Variants in UNC5A observed in about 807,000 individuals in gnomAD.
The protein encoded by UNC5A is netrin receptor UNC5A.
Under a neutral mutation model 87.4 loss-of-function variants are expected in UNC5A, and 20 were observed. That is an observed-to-expected ratio of 0.23 (90% CI 0.16 to 0.33). The LOEUF (loss-of-function observed/expected upper bound fraction) is 0.33. Among genes scored for constraint, UNC5A ranks in the 10% least tolerant of loss-of-function variants. The pLI is 1.00. For synonymous variants in UNC5A, 438 were observed against 482.3 expected, an observed-to-expected ratio of 0.91 and a Z score of 1.20; for missense variants, 844 against 1,133.4, an observed-to-expected ratio of 0.74 and a Z score of 3.67.
intron 1 of UNC5A, among the ~76,000 whole-genome samples, chr5:176,854,619 T>C (rs1338978309): frequency 6.6e-6 from 1 of 152,074 alleles, no homozygotes; most frequent in African/African-American, 2.4e-5. Context: ...GGTTCATTGG[T>C]TGATTGGAAG....
chr5:176,815,810 C>A (rs1463598591), intron 1 of UNC5A, among the ~76,000 whole-genome samples: 1 of 152,208 alleles, frequency 6.6e-6, no homozygotes, highest in Admixed American at 6.5e-5. Context: ...AAGCATCCCC[C>A]CTCCCCCGCC....
chr5:176,843,745 GC>G (rs1179746523), intron 1 of UNC5A, among the ~76,000 whole-genome samples: 2 of 152,236 alleles, frequency 1.3e-5, no homozygotes, highest in African/African-American at 2.4e-5. Context: ...GCGCCCTGGA[GC>G]CCCCCTGCTC....
rs1758045386 is a variant in UNC5A at position 176,869,053 on chromosome 5, G to T, written c.721+89G>T. The T allele has an allele frequency of 2.1e-6, 3 of 1,418,158 alleles. No homozygotes were observed. The highest frequency in any genetic ancestry group is 2.7e-5 in the South Asian group (2 of 73,338). 87.8% of individuals were successfully genotyped at this position (1,418,158 alleles called of 1,614,324 possible). ...GGCTGGTGGGGTGAAGAGAGGCCAT[G>T]AGGCCAAAGCCAGGTGGACCAGATC... On this transcript the variant is annotated intron_variant, in intron 5 of 14. Transcript: ENST00000329542. This position sits in a 1 kb window ranked among gnomAD's most constrained non-coding sequence, Gnocchi z 9.1.
At chr5:176,811,037 T>C (rs1756439470) in intron 1 of UNC5A, among the ~76,000 whole-genome samples, 1 of 151,714 alleles carries the variant, frequency 6.6e-6, no homozygotes, top group Non-Finnish European at 1.5e-5. Flanking sequence ...CAGGAGCAGC[T>C]GTCAGCCCGC....
chr5:176,850,430 G>A (rs868749352), intron 1 of UNC5A, among the ~76,000 whole-genome samples: 11 of 152,214 alleles, frequency 7.2e-5, no homozygotes, highest in African/African-American at 2.4e-4. Context: ...TGGTGGGGCC[G>A]GGGGTGGAGG....
Position 176,818,768 on chromosome 5 carries a change from T to G in UNC5A, c.70+7948T>G, listed in dbSNP as rs548719570. ...AATGTCCAGAGACCCTGATTCTCTGTGTGGCCTCAAGTGAACTCCCTCACA... is the reference window on the plus strand; with the variant it reads ...AATGTCCAGAGACCCTGATTCTCTGGGTGGCCTCAAGTGAACTCCCTCACA... On this transcript the variant is annotated intron_variant, in intron 1 of 14. Transcript: ENST00000329542. 2.6e-5 allele frequency among the ~76,000 whole-genome samples: 4 copies of G among 152,312 alleles called. No homozygotes were observed. The South Asian group carries it at 8.3e-4, about 32-fold the overall frequency.
intron 1 of UNC5A, among the ~76,000 whole-genome samples, chr5:176,837,814 C>G (rs1757182183): frequency 6.6e-6 from 1 of 152,034 alleles, no homozygotes; most frequent in South Asian, 2.1e-4. Context: ...AGATAGCGGT[C>G]CTGGACGTGG....
Position 176,875,140 on chromosome 5 carries a change from G to A in UNC5A, c.1378+574G>A, listed in dbSNP as rs1253994409. On this transcript the variant is annotated intron_variant, in intron 8 of 14. Transcript: ENST00000329542. The surrounding 1 kb of genome is among the most constrained non-coding windows in gnomAD (Gnocchi z 5.2). Reference sequence around the variant, plus strand: ...CCAGCTGCCTGTTCCATAAATGTAGGTGTGCCTCCGAGCTCCCTCCCAGTG... The same window carrying A: ...CCAGCTGCCTGTTCCATAAATGTAGATGTGCCTCCGAGCTCCCTCCCAGTG... Among the ~76,000 whole-genome samples, 1 of 152,122 alleles carries A rather than the reference G, an allele frequency of 6.6e-6. No individual in the cohort carries two copies. Among genetic ancestry groups the A allele is most frequent in the Non-Finnish European group, 1.5e-5 (1 of 68,014 alleles).
At chr5:176,879,596 A>G (rs1274808733) in intron 14 of UNC5A, 108 bp downstream of exon 14, 2 of 1,543,780 alleles carry the variant, frequency 1.3e-6, no homozygotes, top group African/African-American at 2.7e-5. Flanking sequence ...TGCCGCATCT[A>G]CTAGTGGCCG....
At chr5:176,853,537 T>A (rs1209250535) in intron 1 of UNC5A, among the ~76,000 whole-genome samples, 1 of 152,188 alleles carries the variant, frequency 6.6e-6, no homozygotes, top group African/African-American at 2.4e-5. Context: ...TCCTCCGATC[T>A]CGGGGAGGTG....
intron 3 of UNC5A, 100 bp from the exon 4 acceptor site, chr5:176,868,461 C>G: frequency 6.9e-7 from 1 of 1,449,430 alleles, no homozygotes; most frequent in Non-Finnish European, 9.4e-7. Flanking sequence ...GGCACTTCCT[C>G]TGCCATGTGC....
rs1758231608 is a variant in UNC5A, at chr5:176,875,194, C to T, written c.1378+628C>T. Among the ~76,000 whole-genome samples the T allele has an allele frequency of 6.6e-6, 1 of 152,206 alleles. No homozygotes were observed. The highest frequency in any genetic ancestry group is 1.5e-5 in the Non-Finnish European group (1 of 68,038). On this transcript the variant is annotated intron_variant, in intron 8 of 14. Transcript: ENST00000329542. This position sits in a 1 kb window ranked among gnomAD's most constrained non-coding sequence, Gnocchi z 5.2. Reference sequence around the variant, plus strand: ...TTCTCCCCGAGCGGCCTCGCCCACTCCATGGCTTTAATCGCCGTGTCTGTG... The same window carrying T: ...TTCTCCCCGAGCGGCCTCGCCCACTTCATGGCTTTAATCGCCGTGTCTGTG...
At chr5:176,878,987 AG>A (rs1297881057) in intron 13 of UNC5A, among the ~76,000 whole-genome samples, 1 of 152,114 alleles carries the variant, frequency 6.6e-6, no homozygotes, top group Non-Finnish European at 1.5e-5. Context: ...AGAGCTGGGC[AG>A]GGGGGACTCA....
chr5:176,819,168 G>A (rs1269114959), intron 1 of UNC5A, among the ~76,000 whole-genome samples: 4 of 152,100 alleles, frequency 2.6e-5, no homozygotes, highest in Admixed American at 2.6e-4. Flanking sequence ...CCTCTCAGCT[G>A]CTCCTCATGA....
intron 11 of UNC5A, 30 bp downstream of exon 11, chr5:176,878,157 G>A (rs1385239937): frequency 1.9e-6 from 3 of 1,604,276 alleles, no homozygotes; most frequent in Non-Finnish European, 2.5e-6. Flanking sequence ...CCCCGCCGCT[G>A]GGAGGCCGAG....
intron 1 of UNC5A, among the ~76,000 whole-genome samples, chr5:176,827,314 C>T (rs1422832883): frequency 6.6e-6 from 1 of 151,550 alleles, no homozygotes; most frequent in Non-Finnish European, 1.5e-5. Flanking sequence ...TCCCGAGTAG[C>T]TGGGATTACA....
intron 1 of UNC5A, among the ~76,000 whole-genome samples, chr5:176,820,354 A>G (rs143569030): frequency 0.02 from 3,068 of 152,034 alleles, 93 homozygotes; most frequent in African/African-American, 0.07. Context: ...CCAAGATTGC[A>G]CCACTGTACT....
rs1465727620 is a variant in UNC5A at position 176,848,721 on chromosome 5, G to A, written c.71-13903G>A. On this transcript the variant is annotated intron_variant, in intron 1 of 14. Transcript: ENST00000329542. The surrounding 1 kb of genome is among the most constrained non-coding windows in gnomAD (Gnocchi z 5.8). ...TCCCCCACCTGGACTCGCCTGTGCCGCTGGTTGCAGGAGGCTTCAGCTGCC... is the reference window on the plus strand; with the variant it reads ...TCCCCCACCTGGACTCGCCTGTGCCACTGGTTGCAGGAGGCTTCAGCTGCC... 1.3e-5 allele frequency among the ~76,000 whole-genome samples: 2 copies of A among 152,166 alleles called. No homozygotes were observed. The highest frequency in any genetic ancestry group is 4.8e-5 in the African/African-American group (2 of 41,440).
chr5:176,862,298 AG>A (rs1028889553), intron 1 of UNC5A, among the ~76,000 whole-genome samples: 3 of 152,160 alleles, frequency 2.0e-5, no homozygotes, highest in African/African-American at 7.2e-5. Context: ...CCTCCCGGGC[AG>A]GGGCCTGCCT....
Sources: gnomAD v4.1 joint callset for allele counts (sites outside exome capture counted in the v4.1 genomes callset) on GRCh38, gnomAD v4.1.1 for gene constraint, Gnocchi (gnomAD v3.1) non-coding constraint, MANE v1.5 for transcripts, NCBI Gene and HGNC (gene_info 2026-07-23, HGNC 2026-07-21) for gene names.